ROCK1: variants seen among roughly 807,000 people sequenced by gnomAD.
ROCK1 encodes Rho associated coiled-coil containing protein kinase 1, also known as rho-associated protein kinase 1.
In ROCK1, 36 loss-of-function variants were observed where a neutral mutation model predicts 196.8. The observed-to-expected ratio is 0.18, with a 90% confidence interval of 0.14 to 0.24. The LOEUF is 0.24. ROCK1 is among the 10% of genes least tolerant of loss of function. ROCK1 has a pLI of 1.00. For missense variants in ROCK1, 920 were observed against 1,562.0 expected, an observed-to-expected ratio of 0.59 and a Z score of 6.93; for synonymous variants, 443 against 515.9, an observed-to-expected ratio of 0.86 and a Z score of 1.91.
intron 27 of ROCK1, 91 bp downstream of exon 27, chr18:20,966,826 A>T: frequency 9.9e-7 from 1 of 1,012,382 alleles, no homozygotes; most frequent in Non-Finnish European, 1.5e-6. Context: ...CCATGGACAA[A>T]ATGACAAGGA....
At chr18:21,059,729 C>T (rs1339092756) in intron 2 of ROCK1, among the ~76,000 whole-genome samples, 1 of 152,158 alleles carries the variant, frequency 6.6e-6, no homozygotes, top group East Asian at 1.9e-4. Context: ...TACACAAAAA[C>T]TTCTACACAA....
At chr18:21,023,586 A>T (rs113850934) in intron 11 of ROCK1, 34 bp downstream of exon 11, 43 of 1,207,632 alleles carry the variant, frequency 3.6e-5, no homozygotes, top group Non-Finnish European at 4.6e-5. Context: ...AACAATTTTA[A>T]AAACAATTTT....
intron 1 of ROCK1, among the ~76,000 whole-genome samples, chr18:21,072,518 C>A (rs867283914): frequency 3.9e-5 from 6 of 152,226 alleles, no homozygotes; most frequent in Middle Eastern, 3.4e-3. Flanking sequence ...GAGGCAGGAA[C>A]CTTAGCTTTT....
chr18:20,967,212 T>G (rs1297766691), intron 26 of ROCK1, 136 bp from the exon 27 acceptor site: 2 of 605,966 alleles, frequency 3.3e-6, no homozygotes, highest in East Asian at 5.8e-5. Flanking sequence ...CCACAGATTT[T>G]GATACACTAC....
chr18:21,040,192 T>TTG (rs750416020), intron 8 of ROCK1, among the ~76,000 whole-genome samples: 99 of 152,334 alleles, frequency 6.5e-4, no homozygotes, highest in African/African-American at 2.2e-3. Flanking sequence ...TGACAGTTTT[T>TTG]TGTGTGTGTG....
chr18:21,069,999 C>G (rs1345789110), intron 2 of ROCK1, among the ~76,000 whole-genome samples: 1 of 151,514 alleles, frequency 6.6e-6, no homozygotes, highest in Non-Finnish European at 1.5e-5. Flanking sequence ...CATATATAAC[C>G]AAAATTGAAA....
chr18:20,957,422 C>T (rs2035253470), intron 29 of ROCK1, among the ~76,000 whole-genome samples: 1 of 151,796 alleles, frequency 6.6e-6, no homozygotes, highest in Non-Finnish European at 1.5e-5. Flanking sequence ...CTAGAACAGG[C>T]AAAACTAATC....
intron 22 of ROCK1, 61 bp downstream of exon 22, chr18:20,979,849 C>T: frequency 1.4e-6 from 2 of 1,481,298 alleles, no homozygotes; most frequent in Non-Finnish European, 1.8e-6. Flanking sequence ...TATTCACTAA[C>T]TTAAAACTTA....
chr18:21,044,070 G>A (rs377482507), intron 6 of ROCK1, 32 bp downstream of exon 6: 21 of 1,377,768 alleles, frequency 1.5e-5, no homozygotes, highest in Non-Finnish European at 2.0e-5. Context: ...CCTTGAATTA[G>A]CAAAAACTAA....
At chr18:21,020,074 T>C in intron 12 of ROCK1, 77 bp downstream of exon 12, 1 of 772,022 alleles carries the variant, frequency 1.3e-6, no homozygotes, top group East Asian at 2.9e-5. Context: ...CTTTCAGATG[T>C]TTACAGGGTA....
intron 2 of ROCK1, among the ~76,000 whole-genome samples, chr18:21,069,184 T>G (rs750853921): frequency 1.3e-5 from 2 of 152,102 alleles, no homozygotes; most frequent in South Asian, 4.1e-4. Flanking sequence ...GATATTAAAT[T>G]TTATCAAATG....
At chr18:21,026,439 T>G (rs986801138) in intron 10 of ROCK1, among the ~76,000 whole-genome samples, 3 of 121,418 alleles carry the variant, frequency 2.5e-5, no homozygotes, top group African/African-American at 1.0e-4. Context: ...AGCAAAACTC[T>G]GTCTCGAAAA....
At chr18:21,082,961 C>CA (rs541203541) in intron 1 of ROCK1, among the ~76,000 whole-genome samples, 242 of 152,118 alleles carry the variant, frequency 1.6e-3, no homozygotes, top group African/African-American at 5.6e-3. Context: ...CAAAACAAAA[C>CA]AAAAAAATCC....
At chr18:21,068,887 T>C (rs1324873223) in intron 2 of ROCK1, among the ~76,000 whole-genome samples, 2 of 152,206 alleles carry the variant, frequency 1.3e-5, no homozygotes, top group Non-Finnish European at 2.9e-5. Flanking sequence ...GGATTTTCTA[T>C]ATGGAAAATC....
At chr18:21,015,854 C>T (rs2035858175) in intron 12 of ROCK1, among the ~76,000 whole-genome samples, 2 of 151,394 alleles carry the variant, frequency 1.3e-5, no homozygotes, top group Admixed American at 1.3e-4. Context: ...GTGGCGGGCG[C>T]CTGTAATCCC....
chr18:21,111,463 G>T lies in ROCK1; in HGVS notation c.-553C>A, dbSNP rs924987343. ...CCGCGTCCCCGGCTCTACTCGGCCC[G>T]GCCCGACGCACCGATCAGTCTCGGC... is the stretch of plus-strand genomic sequence containing the variant. On this transcript the variant is annotated 5_prime_UTR_variant, in exon 1 of 33. Transcript: ENST00000399799. The surrounding 1 kb of genome is among the most constrained non-coding windows in gnomAD (Gnocchi z 4.2). 77 of 258,120 alleles carry T rather than the reference G, an allele frequency of 3.0e-4. No individual in the cohort carries two copies. The highest frequency in any genetic ancestry group is 1.1e-3 in the Middle Eastern group (1 of 920). 16.0% of individuals were successfully genotyped at this position (258,120 alleles called of 1,614,324 possible).
At chr18:21,019,721 C>G (rs1454211865) in intron 12 of ROCK1, among the ~76,000 whole-genome samples, 2 of 151,542 alleles carry the variant, frequency 1.3e-5, no homozygotes, top group Non-Finnish European at 2.9e-5. Context: ...TGGCGTGAAC[C>G]CGGGAGGCGG....
rs1382664465 is a variant in ROCK1, at chr18:21,111,205, G to A, written c.-295C>T. ...CCACCAGCCTCGTCGCTCCGGCGAG[G>A]TGCTTCAGTCTAGCGGGCCCCGGCC... On this transcript the variant is annotated 5_prime_UTR_variant, in exon 1 of 33. Coordinates refer to ENST00000399799, the MANE Select transcript of ROCK1 (RefSeq NM_005406.3). This position sits in a 1 kb window ranked among gnomAD's most constrained non-coding sequence, Gnocchi z 4.2. The A allele has an allele frequency of 3.7e-6, 2 of 534,998 alleles. No homozygotes were observed. The highest frequency in any genetic ancestry group is 7.4e-5 in the Admixed American group (2 of 27,008). The allele number at this position is 534,998 out of a possible 1,614,324, so 33.1% of individuals were successfully genotyped here.
chr18:21,072,472 G>A (rs1436826596), intron 1 of ROCK1, among the ~76,000 whole-genome samples: 2 of 152,186 alleles, frequency 1.3e-5, no homozygotes, highest in East Asian at 3.9e-4. Flanking sequence ...TGGAAAAGCT[G>A]CACAATGCAA....
Sources: allele counts gnomAD v4.1 joint callset (sites outside exome capture counted in the v4.1 genomes callset), GRCh38; gene constraint gnomAD v4.1.1; non-coding constraint Gnocchi (gnomAD v3.1); transcripts MANE v1.5; gene names NCBI Gene and HGNC (gene_info 2026-07-23, HGNC 2026-07-21).